The following BCKDHB variants were observed in gnomAD, a reference collection of about 807,000 sequenced individuals.
BCKDHB encodes 2-oxoisovalerate dehydrogenase subunit beta, mitochondrial.
A neutral mutation model predicts 48.5 loss-of-function variants in BCKDHB; 41 were observed. That is an observed-to-expected ratio of 0.85 (90% CI 0.66 to 1.10). The LOEUF (loss-of-function observed/expected upper bound fraction) is 1.10. BCKDHB is among the 50% of genes least tolerant of loss of function. The pLI is 0.00. For missense variants in BCKDHB, 496 were observed against 494.2 expected, an observed-to-expected ratio of 1.00 and a Z score of -0.03; for synonymous variants, 201 against 174.8, an observed-to-expected ratio of 1.15 and a Z score of -1.18.
the BCKDHB span, among the ~76,000 whole-genome samples, chr6:80,456,870 CT>C: frequency 3.0e-4 from 45 of 152,334 alleles, no homozygotes; most frequent in South Asian, 9.1e-3. Flanking sequence ...CTTCTTAGGA[CT>C]AGTACATCTT....
chr6:80,430,915 G>T, the BCKDHB span, among the ~76,000 whole-genome samples: 1 of 152,046 alleles, frequency 6.6e-6, no homozygotes, highest in East Asian at 1.9e-4. Context: ...TGGTGTTAGG[G>T]TGTAGATTTT....
the BCKDHB span, among the ~76,000 whole-genome samples, chr6:80,375,554 T>C: frequency 1.3e-5 from 2 of 152,126 alleles, no homozygotes; most frequent in Admixed American, 1.3e-4. Flanking sequence ...TTCATTTATA[T>C]CCTGTATCAT....
the BCKDHB span, among the ~76,000 whole-genome samples, chr6:80,442,974 G>C: frequency 6.6e-6 from 1 of 152,188 alleles, no homozygotes; most frequent in South Asian, 2.1e-4. Flanking sequence ...GCATTAGGCT[G>C]TGCCATCTGG....
the BCKDHB span, among the ~76,000 whole-genome samples, chr6:80,397,460 G>A: frequency 2.0e-5 from 3 of 152,138 alleles, no homozygotes; most frequent in African/African-American, 7.2e-5. Context: ...GATATCAAGA[G>A]AAAGCAGAGG....
chr6:80,455,384 CAT>C, the BCKDHB span, among the ~76,000 whole-genome samples: 4 of 151,852 alleles, frequency 2.6e-5, no homozygotes, highest in Admixed American at 6.6e-5. Context: ...GAATCTCACA[CAT>C]GTCGCATCTC....
At chr6:80,157,333 T>C (rs1342761891) in intron 3 of BCKDHB, among the ~76,000 whole-genome samples, 1 of 152,192 alleles carries the variant, frequency 6.6e-6, no homozygotes, top group Non-Finnish European at 1.5e-5. Context: ...GATTTTTGAC[T>C]GTCATTTCTA....
At chr6:80,364,916 G>T in the BCKDHB span, among the ~76,000 whole-genome samples, 2 of 152,154 alleles carry the variant, frequency 1.3e-5, no homozygotes, top group East Asian at 1.9e-4. Context: ...ATAAAGAGAA[G>T]AATTTTACAG....
At chr6:80,240,184 A>T (rs1257510387) in intron 8 of BCKDHB, among the ~76,000 whole-genome samples, 1 of 152,108 alleles carries the variant, frequency 6.6e-6, no homozygotes, top group East Asian at 1.9e-4. Flanking sequence ...AATCATGAAG[A>T]AAGTCATTGT....
At chr6:80,386,644 G>A in the BCKDHB span, among the ~76,000 whole-genome samples, 1 of 152,204 alleles carries the variant, frequency 6.6e-6, no homozygotes, top group African/African-American at 2.4e-5. Context: ...AAGGCAATGT[G>A]GGCATAGCTA....
At chr6:80,459,923 CA>C in the BCKDHB span, among the ~76,000 whole-genome samples, 1 of 151,986 alleles carries the variant, frequency 6.6e-6, no homozygotes, top group African/African-American at 2.4e-5. Context: ...AAAGCCATCC[CA>C]AATAGATAAA....
At chr6:80,385,539 C>T in the BCKDHB span, among the ~76,000 whole-genome samples, 1 of 152,190 alleles carries the variant, frequency 6.6e-6, no homozygotes, top group East Asian at 1.9e-4. Flanking sequence ...CCTCCCCAGC[C>T]CATGATTCCA....
chr6:80,249,953 T>C (rs1012173347), intron 8 of BCKDHB, among the ~76,000 whole-genome samples: 3 of 152,212 alleles, frequency 2.0e-5, no homozygotes, highest in Non-Finnish European at 4.4e-5. Flanking sequence ...AATGCTATTA[T>C]TTATTCTATT....
chr6:80,115,771 G>T (rs1769664880), intron 1 of BCKDHB, among the ~76,000 whole-genome samples: 1 of 151,962 alleles, frequency 6.6e-6, no homozygotes, highest in Non-Finnish European at 1.5e-5. Flanking sequence ...CAAGTAGCTG[G>T]AACTACAGGC....
intron 3 of BCKDHB, among the ~76,000 whole-genome samples, chr6:80,155,275 T>G (rs1268615776): frequency 6.6e-6 from 1 of 152,176 alleles, no homozygotes; most frequent in Non-Finnish European, 1.5e-5. Flanking sequence ...CTCAAAGACT[T>G]ATTACATTCA....
At chr6:80,281,782 C>G (rs948677190) in intron 9 of BCKDHB, among the ~76,000 whole-genome samples, 1 of 152,054 alleles carries the variant, frequency 6.6e-6, no homozygotes, top group African/African-American at 2.4e-5. Context: ...CCCCTCCAAA[C>G]CATCTAGCAG....
chr6:80,321,579 T>C (rs1268085184), intron 9 of BCKDHB, among the ~76,000 whole-genome samples: 2 of 152,184 alleles, frequency 1.3e-5, no homozygotes, highest in Non-Finnish European at 2.9e-5. Context: ...CCTGTTTATA[T>C]TTTTTATCAA....
rs142564397 is a variant in BCKDHB, at chr6:80,230,878, TG to T, written c.951+27667del. Among the ~76,000 whole-genome samples the T allele has an allele frequency of 4.0e-3, 604 of 152,336 alleles. 3 individuals carry two copies. Among genetic ancestry groups the T allele is most frequent in the African/African-American group, 0.014 (566 of 41,578 alleles). On this transcript the variant is annotated intron_variant, in intron 8 of 9. Coordinates refer to ENST00000320393, the MANE Select transcript of BCKDHB (RefSeq NM_183050.4). ...GGCTCTGTCATGAGAGCTTCATTCA[TG>T]AGGGCTTTGTCTAATAACCTCTTAA...
chr6:80,167,516 A>G (rs995405975), intron 3 of BCKDHB, among the ~76,000 whole-genome samples, 162 bp from the exon 4 acceptor site: 3 of 152,158 alleles, frequency 2.0e-5, no homozygotes, highest in Non-Finnish European at 4.4e-5. Flanking sequence ...TGCTAGGATT[A>G]CAGGTGTGAG....
At chr6:80,405,001 A>T in the BCKDHB span, among the ~76,000 whole-genome samples, 1 of 152,106 alleles carries the variant, frequency 6.6e-6, no homozygotes, top group Non-Finnish European at 1.5e-5. Context: ...TCTTGAGAAG[A>T]ATGTGTACTC....
Sources: allele counts gnomAD v4.1 joint callset (sites outside exome capture counted in the v4.1 genomes callset), GRCh38; gene constraint gnomAD v4.1.1; transcripts MANE v1.5; gene names NCBI Gene and HGNC (gene_info 2026-07-23, HGNC 2026-07-21).